Variants in FAF1 observed in about 807,000 individuals in gnomAD.
The protein encoded by FAF1 is FAS-associated factor 1.
A neutral mutation model predicts 92.5 loss-of-function variants in FAF1; 25 were observed. The ratio of observed to expected loss-of-function variants is 0.27; its 90% confidence interval spans 0.20 to 0.38. The LOEUF is 0.38. FAF1 is among the 10% of genes least tolerant of loss of function. The pLI, the probability that FAF1 is intolerant of heterozygous loss-of-function variation, is 1.00. For synonymous variants in FAF1, 234 were observed against 273.2 expected (o/e 0.86, Z 1.42); for missense variants, 636 against 793.3 (o/e 0.80, Z 2.38).
At chr1:50,555,212 G>GAC (rs375364007) in intron 13 of FAF1, among the ~76,000 whole-genome samples, 3 of 150,580 alleles carry the variant, frequency 2.0e-5, no homozygotes, top group Non-Finnish European at 3.0e-5. Context: ...GACAGAGCGA[G>GAC]ACACACACAC....
intron 1 of FAF1, among the ~76,000 whole-genome samples, chr1:50,940,322 T>C (rs913060051): frequency 3.9e-5 from 6 of 152,264 alleles, no homozygotes; most frequent in African/African-American, 1.2e-4. Context: ...ATTTTTACTA[T>C]ATTATTCCAA....
At chr1:50,906,032 A>G (rs1211847949) in intron 1 of FAF1, among the ~76,000 whole-genome samples, 2 of 152,204 alleles carry the variant, frequency 1.3e-5, no homozygotes, top group African/African-American at 4.8e-5. Context: ...TGAGTCTTTA[A>G]TCCACCTTGA....
At chr1:50,788,254 G>C in intron 3 of FAF1, 49 bp from the exon 4 acceptor site, 2 of 1,483,518 alleles carry the variant, frequency 1.3e-6, no homozygotes, top group Non-Finnish European at 1.9e-6. Context: ...AATCATTACA[G>C]AATACTACTA....
chr1:50,506,957 C>A (rs1188607514), intron 15 of FAF1, among the ~76,000 whole-genome samples: 1 of 152,128 alleles, frequency 6.6e-6, no homozygotes, highest in Non-Finnish European at 1.5e-5. Context: ...ATCTTAAGTT[C>A]TGACATTTAA....
rs984446507 is a variant in FAF1 at position 50,461,890 on chromosome 1, A to G, written c.1869+13574T>C. Among the ~76,000 whole-genome samples the G allele has an allele frequency of 8.7e-5, 13 of 149,416 alleles. No homozygotes were observed. In the South Asian group the frequency reaches 2.5e-3, roughly 29 times the overall value. ...TTGAAACCAAAACACTGAAAAAAAA[A>G]AAGAAAAAAAAAAGAGGAAGGAGGG... On this transcript the variant is annotated intron_variant, in intron 18 of 18. Transcript: ENST00000396153.
intron 15 of FAF1, among the ~76,000 whole-genome samples, chr1:50,496,054 AG>A (rs1646894553): frequency 1.3e-5 from 2 of 152,320 alleles, no homozygotes; most frequent in South Asian, 4.1e-4. Context: ...CCAAAAAAAA[AG>A]AAATTTAGAT....
rs79059619 is a variant in FAF1 at position 50,687,744 on chromosome 1, GA to G, written c.657+18041del. ...CGACAGAGCAAGACTCCATTTCAAA[GA>G]AAAAAAAAAAAGGAAATGATGCTCA... On this transcript the variant is annotated intron_variant, in intron 7 of 18. Transcript: ENST00000396153. 1.4e-3 allele frequency among the ~76,000 whole-genome samples: 177 copies of G among 126,756 alleles called. No individual in the cohort carries two copies. In the South Asian group the frequency reaches 0.018, roughly 13 times the overall value. The allele number at this position is 126,756 out of a possible 152,430, so 83.2% of individuals were successfully genotyped here.
At chr1:50,509,377 T>A (rs1647103014) in intron 15 of FAF1, among the ~76,000 whole-genome samples, 1 of 151,160 alleles carries the variant, frequency 6.6e-6, no homozygotes, top group Non-Finnish European at 1.5e-5. Flanking sequence ...TTTGGGAGGT[T>A]GAGGCAGGAG....
intron 8 of FAF1, among the ~76,000 whole-genome samples, chr1:50,629,877 G>A (rs1289425993): frequency 1.3e-5 from 2 of 152,062 alleles, no homozygotes; most frequent in Non-Finnish European, 2.9e-5. Flanking sequence ...TGACCAACAT[G>A]GAGAAACCCC....
chr1:50,594,819 C>T (rs1423772717), intron 9 of FAF1, among the ~76,000 whole-genome samples: 5 of 148,328 alleles, frequency 3.4e-5, no homozygotes, highest in South Asian at 2.2e-4. Context: ...TGCAGTGAGC[C>T]GAGATCGCTC....
intron 3 of FAF1, among the ~76,000 whole-genome samples, chr1:50,799,561 G>A (rs562164301): frequency 6.6e-6 from 1 of 150,630 alleles, no homozygotes; most frequent in South Asian, 2.1e-4. Flanking sequence ...TTTTTGTTTT[G>A]AATAATCTCT....
chr1:50,946,657 G>A (rs1645174193), intron 1 of FAF1, among the ~76,000 whole-genome samples: 3 of 152,190 alleles, frequency 2.0e-5, no homozygotes, highest in Admixed American at 2.0e-4. Flanking sequence ...CGTGGATGCT[G>A]GCAGAAGACA....
chr1:50,592,588 T>C (rs1651573046), intron 9 of FAF1, among the ~76,000 whole-genome samples: 1 of 152,168 alleles, frequency 6.6e-6, no homozygotes, highest in African/African-American at 2.4e-5. Flanking sequence ...AGTCTAAAAC[T>C]TGAATTTAAC....
At position 50,438,602 on chromosome 1, in the gene FAF1, T is replaced by A. The variant is rs953429981; in HGVS notation, c.*2838A>T. 2 of 152,214 alleles carry A rather than the reference T, an allele frequency of 1.3e-5. No homozygotes were observed. Among genetic ancestry groups the A allele is most frequent in the Non-Finnish European group, 2.9e-5 (2 of 68,052 alleles). 9.4% of individuals were successfully genotyped at this position (152,214 alleles called of 1,614,324 possible). ...TGGGTAGAAATGTGTCAATCAGTGATGCTGTTGTGGAGAGAATTAAGACCC... is the reference window on the plus strand; with the variant it reads ...TGGGTAGAAATGTGTCAATCAGTGAAGCTGTTGTGGAGAGAATTAAGACCC... On this transcript the variant is annotated 3_prime_UTR_variant, in exon 19 of 19. Coordinates refer to ENST00000396153, the MANE Select transcript of FAF1 (RefSeq NM_007051.3).
At chr1:50,734,804 G>C (rs1026157073) in intron 6 of FAF1, among the ~76,000 whole-genome samples, 8 of 151,838 alleles carry the variant, frequency 5.3e-5, no homozygotes, top group Non-Finnish European at 1.2e-4. Flanking sequence ...ATTACAGATA[G>C]GACACACACA....
intron 18 of FAF1, among the ~76,000 whole-genome samples, chr1:50,471,314 A>G (rs149267183): frequency 1.8e-3 from 272 of 152,306 alleles, no homozygotes; most frequent in Non-Finnish European, 3.1e-3. Flanking sequence ...CTTGGTGCTT[A>G]GCATAATAAA....
intron 1 of FAF1, among the ~76,000 whole-genome samples, chr1:50,902,721 T>C (rs940087069): frequency 6.6e-6 from 1 of 152,206 alleles, no homozygotes; most frequent in Admixed American, 6.5e-5. Context: ...TCCTCCAGTA[T>C]ACTTTAAATC....
At chr1:50,589,870 G>A (rs1269698521) in intron 9 of FAF1, among the ~76,000 whole-genome samples, 4 of 152,192 alleles carry the variant, frequency 2.6e-5, no homozygotes, top group Non-Finnish European at 4.4e-5. Flanking sequence ...TATTAGGTAA[G>A]GGTCCAACTT....
chr1:50,547,983 G>A (rs1203980742), intron 13 of FAF1, among the ~76,000 whole-genome samples: 1 of 152,106 alleles, frequency 6.6e-6, no homozygotes. Flanking sequence ...ACTCTTAGGA[G>A]GGATAATAGA....
Sources: gnomAD v4.1 joint callset for allele counts (sites outside exome capture counted in the v4.1 genomes callset) on GRCh38, gnomAD v4.1.1 for gene constraint, MANE v1.5 for transcripts, NCBI Gene and HGNC (gene_info 2026-07-23, HGNC 2026-07-21) for gene names.